LGR6: variants seen among roughly 807,000 people sequenced by gnomAD.
The protein encoded by LGR6 is leucine-rich repeat-containing G protein-coupled receptor 6.
Under a neutral mutation model 69.4 loss-of-function variants are expected in LGR6, and 45 were observed. The observed-to-expected ratio is 0.65, with a 90% CI of 0.51 to 0.83. The LOEUF (loss-of-function observed/expected upper bound fraction) is 0.83. Ranked by LOEUF, LGR6 falls within the 40% of genes least tolerant of loss-of-function variation. The probability of loss-of-function intolerance (pLI) is 0.00; values close to 1 mark genes in which losing one functional copy is unlikely to be tolerated. For synonymous variants in LGR6, 538 were observed against 555.0 expected (o/e 0.97, Z 0.43); for missense variants, 1,108 against 1,246.7 (o/e 0.89, Z 1.68).
intron 1 of LGR6, chr1:202,214,218 G>A: frequency 4.5e-6 from 7 of 1,541,630 alleles, no homozygotes; most frequent in Non-Finnish European, 8.7e-7. Context: ...GGCTGGGAGT[G>A]CACGGCGCGG....
At chr1:202,252,998 C>T (rs968725732) in intron 4 of LGR6, among the ~76,000 whole-genome samples, 4 of 152,228 alleles carry the variant, frequency 2.6e-5, no homozygotes, top group East Asian at 1.9e-4. Context: ...CTGACACTCT[C>T]GAGTCATGGC....
Position 202,301,196 on chromosome 1 carries a change from G to C in LGR6, c.890G>C (p.Gly297Ala). The C allele has an allele frequency of 6.2e-7, 1 of 1,614,192 alleles. No individual in the cohort carries two copies. The highest frequency in any genetic ancestry group is 8.5e-7 in the Non-Finnish European group (1 of 1,180,030). Residue 297 changes from glycine (G) to alanine (A), a missense_variant, in exon 9 of 18, where the codon GGA becomes GCA. Physicochemically the swap from Gly to Ala is moderately conservative, Grantham distance 60 (BLOSUM62 0). Transcript: ENST00000367278. The stretch of plus-strand genomic sequence containing the variant: ...TATGATAACCCAATCCAGTTTGTGG[G>C]AAGATCGGCATTCCAGTACCTGCCT... The part of the protein sequence containing the change: ...HFYDNPIQFV[G>A]RSAFQYLPKL...
In LGR6 at chr1:202,309,129, C is replaced by T. The variant is rs542537452; in HGVS notation, c.1359C>T (p.Asn453=). Residue 453 remains asparagine, a synonymous_variant, in exon 15 of 18, where the codon AAC becomes AAT. Transcript: ENST00000367278. ...TGATGCATCTGAAGCTCAAAGGGAA[C>T]CTTGCTCTCTCCCAGGCCTTCTCCA... The part of the protein sequence containing the change: ...GGLMHLKLKG[N]LALSQAFSKD... 4.3e-6 allele frequency: 7 copies of T among 1,614,138 alleles called. No homozygotes were observed. In the African/African-American group the frequency reaches 6.7e-5, roughly 15 times the overall value.
chr1:202,285,335 G>C (rs1218534193), intron 6 of LGR6, among the ~76,000 whole-genome samples: 1 of 152,194 alleles, frequency 6.6e-6, no homozygotes, highest in East Asian at 1.9e-4. Context: ...AGGAAACCAG[G>C]TGGACTTCCA....
chr1:202,300,940 G>C lies in LGR6; in HGVS notation c.857+20G>C, dbSNP rs1217671125. The C allele has an allele frequency of 3.8e-6, 6 of 1,592,834 alleles. No homozygotes were observed. The highest frequency in any genetic ancestry group is 4.3e-6 in the Non-Finnish European group (5 of 1,163,376). ...GACGATGTGAGTACTACTTTCTCTG[G>C]TCTCTTAATGCCGAACAGTGTTTCA... On this transcript the variant is annotated intron_variant, in intron 8 of 17. Coordinates refer to ENST00000367278, the MANE Select transcript of LGR6 (RefSeq NM_001017403.2).
At chr1:202,286,469 T>C (rs1052037238) in intron 6 of LGR6, among the ~76,000 whole-genome samples, 7 of 152,214 alleles carry the variant, frequency 4.6e-5, no homozygotes, top group African/African-American at 1.7e-4. Flanking sequence ...GCAGGAATTG[T>C]GTATCCTCAT....
intron 4 of LGR6, among the ~76,000 whole-genome samples, chr1:202,261,735 T>C (rs1337760430): frequency 6.6e-6 from 1 of 152,166 alleles, no homozygotes; most frequent in Non-Finnish European, 1.5e-5. Context: ...CCACATCCTC[T>C]CCAACACCTG....
At chr1:202,210,858 CCA>C (rs1322657283) in intron 1 of LGR6, 1 of 152,224 alleles carries the variant, frequency 6.6e-6, no homozygotes, top group Admixed American at 6.5e-5. Context: ...TCTTGAATCT[CCA>C]CAGTGTGCCC....
intron 14 of LGR6, 54 bp from the exon 15 acceptor site, chr1:202,308,997 G>T: frequency 1.9e-6 from 3 of 1,604,744 alleles, no homozygotes; most frequent in Non-Finnish European, 1.7e-6. Flanking sequence ...GCACAGCCCT[G>T]CCCCCTCAGC....
intron 4 of LGR6, among the ~76,000 whole-genome samples, chr1:202,267,497 G>A (rs1447725222): frequency 6.6e-6 from 1 of 152,102 alleles, no homozygotes; most frequent in Non-Finnish European, 1.5e-5. Flanking sequence ...GACAAGCTCT[G>A]ATGTTCAAAT....
At chr1:202,243,639 C>T (rs1368783591) in intron 4 of LGR6, among the ~76,000 whole-genome samples, 2 of 152,030 alleles carry the variant, frequency 1.3e-5, no homozygotes, top group East Asian at 1.9e-4. Context: ...GAGATGAAGC[C>T]GGGATGGAGC....
chr1:202,217,643 G>A lies in LGR6; in HGVS notation c.213-7780G>A, dbSNP rs115014993. On this transcript the variant is annotated intron_variant, in intron 1 of 17. Transcript: ENST00000367278. Reference sequence around the variant, plus strand: ...GTTTGCCTTTGCTTAGCAACTGCCAGGGACTCTCTCTCCCCTCACAAATAA... The same window carrying A: ...GTTTGCCTTTGCTTAGCAACTGCCAAGGACTCTCTCTCCCCTCACAAATAA... 7.0e-3 allele frequency among the ~76,000 whole-genome samples: 1,062 copies of A among 152,086 alleles called. 16 individuals carry two copies. The highest frequency in any genetic ancestry group is 0.025 in the African/African-American group (1,016 of 41,448).
chr1:202,194,162 C>G lies in LGR6; in HGVS notation c.173C>G (p.Ser58Cys), dbSNP rs1227367165. The change falls in exon 1 of 18, where the codon TCC (serine) becomes TGC (cysteine). Residue 58 changes from serine (S) to cysteine (C), a missense_variant. Physicochemically the swap from Ser to Cys is moderately radical, Grantham distance 112 (BLOSUM62 -1). Coordinates refer to ENST00000367278, the MANE Select transcript of LGR6 (RefSeq NM_001017403.2). ...LSADCSELGL[S>C]AVPGDLDPLT... ...GCCGACTGCTCTGAGCTCGGGCTGT[C>G]CGCCGTTCCGGGGGACCTGGACCCC... is the stretch of plus-strand genomic sequence containing the variant. 5.1e-6 allele frequency: 8 copies of G among 1,572,142 alleles called. No homozygotes were observed. The Admixed American group carries it at 5.3e-5, about 10-fold the overall frequency.
At chr1:202,235,420 TACAG>T (rs1382786724) in intron 3 of LGR6, among the ~76,000 whole-genome samples, 1 of 152,158 alleles carries the variant, frequency 6.6e-6, no homozygotes, top group South Asian at 2.1e-4. Flanking sequence ...GAATTGTTCC[TACAG>T]ACAAAGGCTG....
chr1:202,254,646 A>C (rs1558039476), intron 4 of LGR6, among the ~76,000 whole-genome samples: 1 of 152,226 alleles, frequency 6.6e-6, no homozygotes, highest in East Asian at 1.9e-4. Context: ...CAAATAGTAC[A>C]TGCTAGAATA....
At chr1:202,263,203 A>C (rs551512858) in intron 4 of LGR6, among the ~76,000 whole-genome samples, 1 of 151,888 alleles carries the variant, frequency 6.6e-6, no homozygotes, top group South Asian at 2.1e-4. Context: ...GCGCACTGCA[A>C]CCTCCGCCTC....
chr1:202,295,242 C>T (rs952553844), intron 6 of LGR6, among the ~76,000 whole-genome samples: 12 of 149,706 alleles, frequency 8.0e-5, no homozygotes, highest in Middle Eastern at 3.4e-3. Flanking sequence ...GCAGGAGAAT[C>T]GCTCGAACCT....
chr1:202,214,421 G>C (rs1468986163), intron 1 of LGR6, among the ~76,000 whole-genome samples: 1 of 151,374 alleles, frequency 6.6e-6, no homozygotes, highest in Non-Finnish European at 1.5e-5. Context: ...CATGGAGCGG[G>C]CGGCGCGGGC....
rs536518789 is a variant in LGR6 at position 202,215,914 on chromosome 1, CAGAGTCA to C, written c.213-9507_213-9501del. ...ACTTTGTGACTGAACCTGCAGAGAT[CAGAGTCA>C]AAAGGCCAAAGGGATTAGTCTGAGG... On this transcript the variant is annotated intron_variant, in intron 1 of 17. Coordinates refer to ENST00000367278, the MANE Select transcript of LGR6 (RefSeq NM_001017403.2). Among the ~76,000 whole-genome samples, 168 of 150,402 alleles carry C rather than the reference CAGAGTCA, an allele frequency of 1.1e-3. 1 individual carries two copies. The highest frequency in any genetic ancestry group is 3.6e-3 in the African/African-American group (144 of 40,400).
Sources: allele counts gnomAD v4.1 joint callset (sites outside exome capture counted in the v4.1 genomes callset), GRCh38; gene constraint gnomAD v4.1.1; transcripts MANE v1.5; gene names NCBI Gene and HGNC (gene_info 2026-07-23, HGNC 2026-07-21).